Variants in FOXJ3 observed in about 807,000 individuals in gnomAD.
FOXJ3 encodes forkhead box protein J3.
FOXJ3 carries 22 observed loss-of-function variants against 76.1 expected under a neutral mutation model. The observed-to-expected ratio is 0.29, with a 90% CI of 0.21 to 0.41. The LOEUF (loss-of-function observed/expected upper bound fraction) is 0.41, where lower values mean the gene tolerates loss of function less well. Ranked by LOEUF, FOXJ3 falls within the 10% of genes least tolerant of loss-of-function variation. FOXJ3 has a pLI of 1.00. For synonymous variants in FOXJ3, 269 were observed against 261.2 expected (o/e 1.03, Z -0.29); for missense variants, 613 against 762.1 (o/e 0.80, Z 2.30).
At chr1:42,276,355 T>TA (rs574111660) in intron 3 of FOXJ3, among the ~76,000 whole-genome samples, 85 of 150,406 alleles carry the variant, frequency 5.7e-4, no homozygotes, top group African/African-American at 1.1e-3. Context: ...GACTCTGTCT[T>TA]AAAAAAAAGG....
intron 1 of FOXJ3, among the ~76,000 whole-genome samples, chr1:42,333,708 G>C (rs760847973): frequency 1.2e-4 from 18 of 152,136 alleles, no homozygotes; most frequent in South Asian, 2.1e-4. Context: ...ACCCTAATCT[G>C]GAAGAGACAT....
intron 4 of FOXJ3, among the ~76,000 whole-genome samples, chr1:42,241,880 C>A (rs1169780758): frequency 6.6e-6 from 1 of 152,204 alleles, no homozygotes; most frequent in Non-Finnish European, 1.5e-5. Context: ...TAACATCCAA[C>A]CCACCACTAC....
chr1:42,309,001 C>CAAAACAAA (rs1654637236), intron 2 of FOXJ3, among the ~76,000 whole-genome samples: 5 of 103,850 alleles, frequency 4.8e-5, no homozygotes, highest in Non-Finnish European at 9.2e-5. Context: ...AGTCGTTTTA[C>CAAAACAAA]AAAAAAAAAA....
Position 42,182,558 on chromosome 1 carries a change from C to T in FOXJ3, c.1646-534G>A, listed in dbSNP as rs146076680. ...TGTCACCCAGGCTAGAATGCAGTGG[C>T]GCAATCTCGGCTCACTGCAACTTCT... On this transcript the variant is annotated intron_variant, in intron 11 of 12. Coordinates refer to ENST00000361346, the MANE Select transcript of FOXJ3 (RefSeq NM_014947.5). Among the ~76,000 whole-genome samples, 163 of 152,280 alleles carry T rather than the reference C, an allele frequency of 1.1e-3. 1 individual carries two copies. Among genetic ancestry groups the T allele is most frequent in the South Asian group, 4.6e-3 (22 of 4,828 alleles).
At chr1:42,322,432 CTA>C (rs1655486451) in intron 1 of FOXJ3, among the ~76,000 whole-genome samples, 1 of 151,408 alleles carries the variant, frequency 6.6e-6, no homozygotes, top group African/African-American at 2.4e-5. Context: ...AAGACAGTGT[CTA>C]TGATTTTCTT....
intron 8 of FOXJ3, among the ~76,000 whole-genome samples, chr1:42,194,278 C>A (rs1209821449): frequency 2.0e-5 from 3 of 152,190 alleles, no homozygotes; most frequent in Non-Finnish European, 4.4e-5. Flanking sequence ...TAAAATTAAA[C>A]CAGCAGCTAA....
At chr1:42,283,557 A>G (rs1027761662) in intron 2 of FOXJ3, among the ~76,000 whole-genome samples, 1 of 152,236 alleles carries the variant, frequency 6.6e-6, no homozygotes, top group Admixed American at 6.5e-5. Flanking sequence ...GAAAATAAAA[A>G]GAATAAGAAT....
chr1:42,302,991 C>T (rs1654250281), intron 2 of FOXJ3, among the ~76,000 whole-genome samples: 1 of 150,580 alleles, frequency 6.6e-6, no homozygotes, highest in Non-Finnish European at 1.5e-5. Flanking sequence ...TTTAGTATTC[C>T]AAAATTAAAG....
intron 5 of FOXJ3, among the ~76,000 whole-genome samples, chr1:42,213,942 T>A (rs923256809): frequency 7.9e-5 from 12 of 152,190 alleles, no homozygotes; most frequent in Non-Finnish European, 1.6e-4. Flanking sequence ...ACAAATGATA[T>A]CTGAAGTGAT....
intron 5 of FOXJ3, among the ~76,000 whole-genome samples, chr1:42,209,221 T>A: frequency 6.6e-6 from 1 of 152,222 alleles, no homozygotes; most frequent in East Asian, 1.9e-4. Context: ...GATACAAGAT[T>A]AACCTATAAA....
intron 5 of FOXJ3, among the ~76,000 whole-genome samples, chr1:42,227,017 TAAC>T (rs1481805497): frequency 6.6e-6 from 1 of 152,230 alleles, no homozygotes; most frequent in Non-Finnish European, 1.5e-5. Context: ...TGAAAAATGG[TAAC>T]ACTGGAGATA....
intron 2 of FOXJ3, among the ~76,000 whole-genome samples, chr1:42,298,232 G>A (rs1653911157): frequency 6.6e-6 from 1 of 152,204 alleles, no homozygotes; most frequent in African/African-American, 2.4e-5. Context: ...CTGTGGAACT[G>A]TGAGTCAACT....
chr1:42,261,141 T>C (rs933235436), intron 4 of FOXJ3, among the ~76,000 whole-genome samples: 1 of 152,000 alleles, frequency 6.6e-6, no homozygotes, highest in Non-Finnish European at 1.5e-5. Context: ...TGTAAATATT[T>C]ACCTTTAAGA....
chr1:42,244,214 T>A (rs1303742737), intron 4 of FOXJ3, among the ~76,000 whole-genome samples: 1 of 151,868 alleles, frequency 6.6e-6, no homozygotes, highest in Non-Finnish European at 1.5e-5. Flanking sequence ...AATGCCTACA[T>A]CAAAAAAAGC....
At chr1:42,274,666 G>C (rs1011570667) in intron 3 of FOXJ3, among the ~76,000 whole-genome samples, 1 of 152,168 alleles carries the variant, frequency 6.6e-6, no homozygotes, top group Non-Finnish European at 1.5e-5. Context: ...ACTTAGTATA[G>C]TGCCTGGCAG....
intron 5 of FOXJ3, among the ~76,000 whole-genome samples, chr1:42,222,460 T>C (rs1647251498): frequency 1.3e-5 from 2 of 152,194 alleles, no homozygotes; most frequent in African/African-American, 2.4e-5. Context: ...ACCAGGAATG[T>C]ACATTCATCC....
At chr1:42,239,285 A>G (rs1648942746) in intron 4 of FOXJ3, among the ~76,000 whole-genome samples, 1 of 150,200 alleles carries the variant, frequency 6.7e-6, no homozygotes. Context: ...GACCTCTAAC[A>G]GGATTTTGAA....
chr1:42,306,083 T>C (rs1654442782), intron 2 of FOXJ3, among the ~76,000 whole-genome samples: 2 of 152,178 alleles, frequency 1.3e-5, no homozygotes, highest in Admixed American at 1.3e-4. Context: ...GATACATACA[T>C]ATTCACTTGT....
At chr1:42,290,249 A>T (rs1217673262) in intron 2 of FOXJ3, among the ~76,000 whole-genome samples, 1 of 152,142 alleles carries the variant, frequency 6.6e-6, no homozygotes, top group East Asian at 1.9e-4. Flanking sequence ...GTTCAAAAAA[A>T]TAAGTAGGAA....
Sources: gnomAD v4.1 joint callset for allele counts (sites outside exome capture counted in the v4.1 genomes callset) on GRCh38, gnomAD v4.1.1 for gene constraint, MANE v1.5 for transcripts, NCBI Gene and HGNC (gene_info 2026-07-23, HGNC 2026-07-21) for gene names.